Variants in CD163L1 observed in about 807,000 individuals in gnomAD.
The protein encoded by CD163L1 is scavenger receptor cysteine-rich type 1 protein M160.
In CD163L1, 124 loss-of-function variants were observed where a neutral mutation model predicts 165.4. The observed-to-expected ratio is 0.75, with a 90% confidence interval of 0.65 to 0.87. The LOEUF is 0.87. Ranked by LOEUF, CD163L1 falls within the 40% of genes least tolerant of loss-of-function variation. The probability of loss-of-function intolerance (pLI) is 0.00; values close to 1 mark genes in which losing one functional copy is unlikely to be tolerated. For missense variants in CD163L1, 1,525 were observed against 1,799.9 expected (o/e 0.85, Z 2.76); for synonymous variants, 585 against 662.2 (o/e 0.88, Z 1.79).
intron 2 of CD163L1, among the ~76,000 whole-genome samples, chr12:7,440,788 G>A (rs1250639164): frequency 6.6e-6 from 1 of 151,592 alleles, no homozygotes; most frequent in East Asian, 1.9e-4. Context: ...CACCACACCC[G>A]GCTAATTTTT....
In CD163L1 at chr12:7,433,611, C is replaced by CCCACTGTCCCTGGAATTTCACCT; in HGVS notation, c.185_207dup (p.Gly70ArgfsTer2). On this transcript the variant is annotated stop_gained and frameshift_variant, in exon 3 of 20. Coordinates refer to ENST00000313599, the MANE Select transcript of CD163L1 (RefSeq NM_174941.6). LOFTEE classifies it high-confidence loss of function. Reference sequence around the variant, plus strand: ...TTCCACCCATCATCACACACAGTCCCCCACTGTCCCTGGAATTTCACCTCC... The same window carrying CCCACTGTCCCTGGAATTTCACCT: ...TTCCACCCATCATCACACACAGTCCCCCACTGTCCCTGGAATTTCACCTCCACTGTCCCTGGAATTTCACCTCC... 5 of 1,614,160 alleles carry CCCACTGTCCCTGGAATTTCACCT rather than the reference C, an allele frequency of 3.1e-6. No homozygotes were observed. Among genetic ancestry groups the CCCACTGTCCCTGGAATTTCACCT allele is most frequent in the Non-Finnish European group, 4.2e-6 (5 of 1,180,006 alleles).
chr12:7,436,505 C>T (rs1429087316), intron 2 of CD163L1, among the ~76,000 whole-genome samples: 1 of 152,132 alleles, frequency 6.6e-6, no homozygotes, highest in African/African-American at 2.4e-5. Flanking sequence ...GATGCCATGG[C>T]TCATGTCTGT....
At chr12:7,439,715 G>T (rs952381586) in intron 2 of CD163L1, 2 of 1,610,668 alleles carry the variant, frequency 1.2e-6, no homozygotes, top group East Asian at 4.5e-5. Context: ...TGAGTCTCGG[G>T]CTCCCAGGTA....
In CD163L1 at chr12:7,369,314, A is replaced by T. The variant is rs1261677633; in HGVS notation, c.4039+43T>A. 1.3e-6 allele frequency: 2 copies of T among 1,579,734 alleles called. No homozygotes were observed. The highest frequency in any genetic ancestry group is 1.7e-6 in the Non-Finnish European group (2 of 1,156,006). Reference sequence around the variant, plus strand: ...AGCCTGTTTCCCAGTGTTCTCTACCATTAGTGGGAGGCTCAGTTTAAGTGC... The same window carrying T: ...AGCCTGTTTCCCAGTGTTCTCTACCTTTAGTGGGAGGCTCAGTTTAAGTGC... On this transcript the variant is annotated intron_variant, in intron 15 of 19. Transcript: ENST00000313599. This position sits in a 1 kb window ranked among gnomAD's most constrained non-coding sequence, Gnocchi z 4.9.
chr12:7,403,466 T>C, intron 6 of CD163L1, 69 bp downstream of exon 6: 1 of 1,446,156 alleles, frequency 6.9e-7, no homozygotes, highest in Non-Finnish European at 9.3e-7. Context: ...CAAGCTATTG[T>C]TTCTAACCTC....
At chr12:7,438,890 C>T (rs1948775511) in intron 2 of CD163L1, 2 of 1,593,998 alleles carry the variant, frequency 1.3e-6, no homozygotes, top group East Asian at 2.2e-5. Flanking sequence ...AGCACTTTTG[C>T]CTCTGTCTTG....
chr12:7,341,018 G>C, the CD163L1 span, among the ~76,000 whole-genome samples: 1 of 152,196 alleles, frequency 6.6e-6, no homozygotes, highest in African/African-American at 2.4e-5. Context: ...TGCTAATTCT[G>C]TATGTGTCCA....
the CD163L1 span, chr12:7,323,318 G>A: frequency 6.2e-7 from 1 of 1,609,634 alleles, no homozygotes; most frequent in Non-Finnish European, 8.5e-7. Context: ...TGTCCAGGTA[G>A]GTTGAGAAAA....
At position 7,367,267 on chromosome 12, in the gene CD163L1, CTT is replaced by C; in HGVS notation, c.4246_4247del (p.Lys1416GlufsTer12). On this transcript the variant is annotated frameshift_variant, in exon 18 of 20. Coordinates refer to ENST00000313599, the MANE Select transcript of CD163L1 (RefSeq NM_174941.6). LOFTEE classifies it high-confidence loss of function. The part of the protein sequence containing the change: ...NLFHEMETCL[K>X]REDPHGTRTS... ...TTCTTGTCCCATGTGGGTCCTCTCT[CTT>C]GAGGCAGGTCTCCATCTCATGGAAT... The C allele has an allele frequency of 6.2e-7, 1 of 1,613,608 alleles. No homozygotes were observed. Among genetic ancestry groups the C allele is most frequent in the African/African-American group, 1.3e-5 (1 of 75,010 alleles).
Position 7,369,337 on chromosome 12 carries a change from T to C in CD163L1, c.4039+20A>G, listed in dbSNP as rs777875553. On this transcript the variant is annotated intron_variant, in intron 15 of 19. Coordinates refer to ENST00000313599, the MANE Select transcript of CD163L1 (RefSeq NM_174941.6). The surrounding 1 kb of genome is among the most constrained non-coding windows in gnomAD (Gnocchi z 4.9). ...CCATTAGTGGGAGGCTCAGTTTAAG[T>C]GCAGCCTTTTCACACTTACCAGAGC... is the stretch of plus-strand genomic sequence containing the variant. The C allele has an allele frequency of 1.6e-5, 25 of 1,607,340 alleles. No homozygotes were observed. In the East Asian group the frequency reaches 5.1e-4, roughly 33 times the overall value.
the CD163L1 span, chr12:7,320,661 A>G: frequency 3.7e-6 from 5 of 1,340,982 alleles, no homozygotes; most frequent in Non-Finnish European, 2.1e-6. Context: ...GGGTGTAGAT[A>G]TCAGCTCTAG....
chr12:7,420,984 G>GGTATATATATACATATATATATACGT (rs1948336671), intron 4 of CD163L1, among the ~76,000 whole-genome samples: 2 of 101,550 alleles, frequency 2.0e-5, no homozygotes, highest in East Asian at 3.1e-4. Flanking sequence ...AAGAAATTGT[G>GGTATATATATACATATATATATACGT]GTATATATAT....
the CD163L1 span, among the ~76,000 whole-genome samples, chr12:7,323,836 C>T: frequency 6.6e-6 from 1 of 152,106 alleles, no homozygotes; most frequent in African/African-American, 2.4e-5. Context: ...TTTTATTATA[C>T]TCTTTATGAC....
chr12:7,329,668 A>G, the CD163L1 span, among the ~76,000 whole-genome samples: 1 of 152,218 alleles, frequency 6.6e-6, no homozygotes, highest in East Asian at 1.9e-4. Flanking sequence ...TAAAGGGGGA[A>G]AAGAAAGCAC....
At position 7,438,399 on chromosome 12, in the gene CD163L1, A is replaced by C. The variant is rs779176280; in HGVS notation, c.124+2755T>G. ...TAAGCATTAAAATACTGGTTAATGT[A>C]GTTTGTGTCCTATTATTTAATAGTG... is the stretch of plus-strand genomic sequence containing the variant. On this transcript the variant is annotated intron_variant, in intron 2 of 19. Transcript: ENST00000313599. Among the ~76,000 whole-genome samples, 7 of 152,318 alleles carry C rather than the reference A, an allele frequency of 4.6e-5. No homozygotes were observed. The East Asian group carries it at 9.7e-4, about 21-fold the overall frequency.
At chr12:7,384,722 T>A (rs1193316768) in intron 8 of CD163L1, among the ~76,000 whole-genome samples, 1 of 152,000 alleles carries the variant, frequency 6.6e-6, no homozygotes, top group Non-Finnish European at 1.5e-5. Flanking sequence ...GAAGGAGATA[T>A]AAGGTCTTTC....
chr12:7,323,491 T>C, the CD163L1 span: 4 of 1,613,832 alleles, frequency 2.5e-6, no homozygotes, highest in Non-Finnish European at 2.5e-6. Flanking sequence ...TTCTACCACC[T>C]GGCAAAGAAG....
At chr12:7,376,139 G>A (rs906284633) in intron 9 of CD163L1, 125 bp from the exon 10 acceptor site, 2 of 754,890 alleles carry the variant, frequency 2.6e-6, no homozygotes, top group Admixed American at 2.9e-5. Context: ...CATTCGTAGG[G>A]GCTCAGAGGA....
the CD163L1 span, among the ~76,000 whole-genome samples, chr12:7,334,636 G>T: frequency 4.6e-5 from 7 of 152,126 alleles, no homozygotes; most frequent in African/African-American, 1.4e-4. Flanking sequence ...GGAAGTTCCA[G>T]CCAGGGCAAT....
Sources: gnomAD v4.1 joint callset for allele counts (sites outside exome capture counted in the v4.1 genomes callset) on GRCh38, gnomAD v4.1.1 for gene constraint, Gnocchi (gnomAD v3.1) non-coding constraint, MANE v1.5 for transcripts, NCBI Gene and HGNC (gene_info 2026-07-23, HGNC 2026-07-21) for gene names.